The following BTG4 variants were observed in gnomAD, a reference collection of about 807,000 sequenced individuals.
BTG4 encodes protein BTG4.
A neutral mutation model predicts 19.3 loss-of-function variants in BTG4; 10 were observed. The observed-to-expected ratio is 0.52, with a 90% CI of 0.32 to 0.88. The LOEUF (loss-of-function observed/expected upper bound fraction) is 0.88, where lower values mean the gene tolerates loss of function less well. Among genes scored for constraint, BTG4 ranks in the 40% least tolerant of loss-of-function variants. The pLI, the probability that BTG4 is intolerant of heterozygous loss-of-function variation, is 0.04. For missense variants in BTG4, 238 were observed against 281.9 expected (o/e 0.84, Z 1.11); for synonymous variants, 91 against 95.7 (o/e 0.95, Z 0.29).
chr11:111,389,591 A>G, the BTG4 span, among the ~76,000 whole-genome samples: 2 of 152,234 alleles, frequency 1.3e-5, no homozygotes, highest in Non-Finnish European at 2.9e-5. Flanking sequence ...AGAATATAGA[A>G]AAGACTCTAT....
the BTG4 span, among the ~76,000 whole-genome samples, chr11:111,387,981 C>T: frequency 6.6e-6 from 1 of 152,116 alleles, no homozygotes; most frequent in African/African-American, 2.4e-5. Flanking sequence ...TTCCCCACTT[C>T]CCACACAGTC....
intron 5 of BTG4, among the ~76,000 whole-genome samples, chr11:111,484,476 T>C (rs1864932237): frequency 6.6e-6 from 1 of 152,074 alleles, no homozygotes; most frequent in South Asian, 2.1e-4. Flanking sequence ...GATCAAAAAG[T>C]GAAAGCAGGG....
the BTG4 span, among the ~76,000 whole-genome samples, chr11:111,457,613 G>A: frequency 6.6e-6 from 1 of 151,810 alleles, no homozygotes; most frequent in Non-Finnish European, 1.5e-5. Flanking sequence ...CCCCTGGGGA[G>A]GGGAAGAGAA....
At chr11:111,405,831 G>C in the BTG4 span, among the ~76,000 whole-genome samples, 1 of 152,142 alleles carries the variant, frequency 6.6e-6, no homozygotes, top group Non-Finnish European at 1.5e-5. Flanking sequence ...TTTTTCACTT[G>C]TAAAATAAAT....
chr11:111,488,305 T>C (rs1865190658), intron 5 of BTG4, among the ~76,000 whole-genome samples: 1 of 152,102 alleles, frequency 6.6e-6, no homozygotes, highest in Non-Finnish European at 1.5e-5. Flanking sequence ...GTCCATGCAT[T>C]TATAGTCAAC....
At chr11:111,500,739 T>A (rs1866019980) in intron 1 of BTG4, among the ~76,000 whole-genome samples, 1 of 151,958 alleles carries the variant, frequency 6.6e-6, no homozygotes, top group African/African-American at 2.4e-5. Flanking sequence ...AAGACTAGCA[T>A]GGGACTGTTG....
At chr11:111,410,598 A>G in the BTG4 span, among the ~76,000 whole-genome samples, 1 of 152,338 alleles carries the variant, frequency 6.6e-6, no homozygotes, top group African/African-American at 2.4e-5. Flanking sequence ...CACTATGACC[A>G]ACTCATTGTG....
the BTG4 span, among the ~76,000 whole-genome samples, chr11:111,432,976 G>A: frequency 6.6e-6 from 1 of 151,938 alleles, no homozygotes; most frequent in East Asian, 1.9e-4. Context: ...ACAGGCATAA[G>A]CCACCATGCC....
chr11:111,411,184 C>T, the BTG4 span, among the ~76,000 whole-genome samples: 1 of 152,192 alleles, frequency 6.6e-6, no homozygotes, highest in Admixed American at 6.5e-5. Context: ...GGCGGAGTCT[C>T]AAGTTCTCAT....
intron 4 of BTG4, 128 bp from the exon 5 acceptor site, chr11:111,495,442 C>T (rs1307776509): frequency 1.1e-5 from 8 of 754,670 alleles, no homozygotes; most frequent in Non-Finnish European, 1.4e-5. Context: ...AGTGCATAAC[C>T]ATCTTTGAAA....
intron 5 of BTG4, among the ~76,000 whole-genome samples, chr11:111,476,135 TACACACACAC>T (rs55989357): frequency 8.7e-4 from 130 of 148,848 alleles, no homozygotes; most frequent in Non-Finnish European, 1.5e-3. Context: ...CCAGAATAGA[TACACACACAC>T]ACACACACAC....
At chr11:111,429,888 C>A in the BTG4 span, among the ~76,000 whole-genome samples, 1 of 152,318 alleles carries the variant, frequency 6.6e-6, no homozygotes, top group Non-Finnish European at 1.5e-5. Context: ...TACATCCCAC[C>A]ATCCTTAACA....
downstream of BTG4, chr11:111,462,823 CAG>C (rs1183765499): frequency 6.6e-6 from 1 of 152,610 alleles, no homozygotes; most frequent in African/African-American, 2.4e-5. Context: ...AAGCAGGAAT[CAG>C]AGCCCACAGG....
chr11:111,467,386 G>T, downstream of BTG4: 2 of 336,362 alleles, frequency 5.9e-6, no homozygotes, highest in Non-Finnish European at 1.1e-5. Flanking sequence ...TATTAAATAT[G>T]CAGTTACTCT....
intron 5 of BTG4, among the ~76,000 whole-genome samples, chr11:111,479,813 G>A (rs76520091): frequency 0.012 from 1,793 of 152,060 alleles, 12 homozygotes; most frequent in Middle Eastern, 0.048. Context: ...TACATATAAT[G>A]CAATACCTAG....
chr11:111,439,270 C>G, the BTG4 span, among the ~76,000 whole-genome samples: 8 of 152,224 alleles, frequency 5.3e-5, no homozygotes, highest in Admixed American at 6.5e-5. Flanking sequence ...AATAGTCACC[C>G]TTTCTCCCCC....
the BTG4 span, among the ~76,000 whole-genome samples, chr11:111,407,516 C>T: frequency 2.0e-5 from 3 of 152,042 alleles, no homozygotes; most frequent in East Asian, 1.9e-4. Flanking sequence ...ACTAAAAGTA[C>T]AAAAAATTAG....
the BTG4 span, among the ~76,000 whole-genome samples, chr11:111,429,769 C>CA: frequency 2.6e-5 from 4 of 152,234 alleles, no homozygotes; most frequent in Non-Finnish European, 5.9e-5. Context: ...CACTCCTAGA[C>CA]AAAATGGAGA....
the BTG4 span, among the ~76,000 whole-genome samples, chr11:111,395,695 G>A: frequency 6.6e-6 from 1 of 152,226 alleles, no homozygotes; most frequent in Non-Finnish European, 1.5e-5. Context: ...TCAGTGAAGA[G>A]GGAGCAGGTG....
Sources: gnomAD v4.1 joint callset for allele counts (sites outside exome capture counted in the v4.1 genomes callset) on GRCh38, gnomAD v4.1.1 for gene constraint, MANE v1.5 for transcripts, NCBI Gene and HGNC (gene_info 2026-07-23, HGNC 2026-07-21) for gene names.